PEPD: variants seen among roughly 807,000 people sequenced by gnomAD.
The protein encoded by PEPD is peptidase D.
A neutral mutation model predicts 60.7 loss-of-function variants in PEPD; 53 were observed. That is an observed-to-expected ratio of 0.87 (90% CI 0.70 to 1.10). The LOEUF is 1.10. Among genes scored for constraint, PEPD ranks in the 50% least tolerant of loss-of-function variants. The probability of loss-of-function intolerance (pLI) is 0.00; values close to 1 mark genes in which losing one functional copy is unlikely to be tolerated. For synonymous variants in PEPD, 267 were observed against 284.1 expected (o/e 0.94, Z 0.60); for missense variants, 711 against 711.9 (o/e 1.00, Z 0.01).
intron 4 of PEPD, 135 bp downstream of exon 4, chr19:33,500,803 C>T (rs867938408): frequency 2.3e-5 from 17 of 753,424 alleles, no homozygotes; most frequent in African/African-American, 8.5e-5. Context: ...GGAGCACCTG[C>T]GGCGCAGGGA....
chr19:33,477,206 C>A (rs1336391178), intron 7 of PEPD: 1 of 152,722 alleles, frequency 6.5e-6, no homozygotes, highest in South Asian at 2.1e-4. Flanking sequence ...GTCACTCTCT[C>A]CTACTCCTTC....
At chr19:33,510,795 T>C (rs1467821131) in intron 3 of PEPD, among the ~76,000 whole-genome samples, 1 of 152,144 alleles carries the variant, frequency 6.6e-6, no homozygotes, top group Admixed American at 6.5e-5. Flanking sequence ...TAAAACAATT[T>C]CTCAATAACT....
chr19:33,433,737 G>T (rs139416374), intron 9 of PEPD, among the ~76,000 whole-genome samples: 1 of 152,284 alleles, frequency 6.6e-6, no homozygotes, highest in East Asian at 1.9e-4. Flanking sequence ...TCGGCCAACC[G>T]AATAATTCTG....
At chr19:33,508,877 C>T (rs943506364) in intron 3 of PEPD, among the ~76,000 whole-genome samples, 4 of 152,230 alleles carry the variant, frequency 2.6e-5, no homozygotes, top group African/African-American at 9.7e-5. Flanking sequence ...CTGGAACCAT[C>T]CCTGCCTCAT....
At chr19:33,501,402 G>A (rs1970711138) in intron 3 of PEPD, among the ~76,000 whole-genome samples, 1 of 152,190 alleles carries the variant, frequency 6.6e-6, no homozygotes, top group Non-Finnish European at 1.5e-5. Context: ...TTAAAGGAAA[G>A]TTTATTTTAA....
rs542523001 is a variant in PEPD at position 33,393,258 on chromosome 19, G to C, written c.968-1779C>G. ...GGGTCTGGGGTCTGGGGTCTGGCGT[G>C]GGGGAGGGCCCGGGGTCTGGGGTCT... On this transcript the variant is annotated intron_variant, in intron 12 of 14. Coordinates refer to ENST00000244137, the MANE Select transcript of PEPD (RefSeq NM_000285.4). Among the ~76,000 whole-genome samples the C allele has an allele frequency of 5.7e-3, 848 of 149,220 alleles. 13 individuals carry two copies. Among genetic ancestry groups the C allele is most frequent in the Middle Eastern group, 0.01 (3 of 292 alleles).
chr19:33,389,129 A>T (rs979527360), intron 13 of PEPD: 1 of 152,316 alleles, frequency 6.6e-6, no homozygotes, highest in Non-Finnish European at 1.5e-5. Flanking sequence ...AGGTAACCAG[A>T]AACAGGCTGG....
chr19:33,511,391 G>A, intron 2 of PEPD: 1 of 511,182 alleles, frequency 2.0e-6, no homozygotes, highest in Non-Finnish European at 3.7e-6. Flanking sequence ...CTGATGCTGT[G>A]TCAGGCATGT....
Position 33,411,721 on chromosome 19 carries a change from C to A in PEPD, c.769G>T (p.Gly257Ter), listed in dbSNP as rs755947485. 1.2e-6 allele frequency: 2 copies of A among 1,610,784 alleles called. No individual in the cohort carries two copies. The highest frequency in any genetic ancestry group is 3.3e-5 in the Admixed American group (2 of 59,986). The change falls in exon 11 of 15, where the codon GGA becomes TGA. Residue 257 changes from glycine to a stop codon, truncating the protein, a stop_gained. Coordinates refer to ENST00000244137, the MANE Select transcript of PEPD (RefSeq NM_000285.4). LOFTEE classifies it high-confidence loss of function. ...CGGTCGTTGGGAGCTCCGGCGTGTC[C>A]GTAGTGTAGCACGGCTGAGTTCTCA... ...SGENSAVLHYGHAGAPNDRTI... is the reference protein window; with the variant it reads ...SGENSAVLHY
intron 6 of PEPD, among the ~76,000 whole-genome samples, chr19:33,487,948 G>GCTTC (rs1410579245): frequency 6.6e-6 from 1 of 151,924 alleles, no homozygotes; most frequent in Non-Finnish European, 1.5e-5. Flanking sequence ...CCCTGGGGAA[G>GCTTC]CCCAGGGCCC....
intron 9 of PEPD, among the ~76,000 whole-genome samples, chr19:33,423,416 T>A (rs1022077671): frequency 1.3e-5 from 2 of 152,246 alleles, no homozygotes; most frequent in African/African-American, 2.4e-5. Flanking sequence ...GGGAGATTAT[T>A]GACCAAATGC....
intron 2 of PEPD, among the ~76,000 whole-genome samples, chr19:33,511,764 G>C (rs1193353634): frequency 6.6e-6 from 1 of 152,198 alleles, no homozygotes; most frequent in Non-Finnish European, 1.5e-5. Context: ...TTTAAACCTG[G>C]AGAAGCATCA....
intron 4 of PEPD, among the ~76,000 whole-genome samples, chr19:33,495,895 C>T (rs549798536): frequency 1.8e-4 from 28 of 152,144 alleles, no homozygotes; most frequent in African/African-American, 4.8e-4. Flanking sequence ...GTAGGAGAAC[C>T]GCTTGAACCT....
intron 10 of PEPD, among the ~76,000 whole-genome samples, chr19:33,412,598 C>T (rs1968802279): frequency 1.3e-5 from 2 of 152,336 alleles, no homozygotes; most frequent in Non-Finnish European, 2.9e-5. Context: ...TAAGTCTGTC[C>T]AAAGGGGGGA....
At chr19:33,468,414 G>T (rs972582578) in intron 7 of PEPD, among the ~76,000 whole-genome samples, 1 of 152,236 alleles carries the variant, frequency 6.6e-6, no homozygotes, top group Non-Finnish European at 1.5e-5. Flanking sequence ...TCTGTCAAAG[G>T]GCACCTCTCC....
At chr19:33,406,680 T>A (rs559072593) in intron 11 of PEPD, among the ~76,000 whole-genome samples, 1 of 152,242 alleles carries the variant, frequency 6.6e-6, no homozygotes, top group South Asian at 2.1e-4. Context: ...TTGTCACCCA[T>A]GGGGTCCGCA....
intron 8 of PEPD, 98 bp downstream of exon 8, chr19:33,463,885 CAGGG>C (rs1384167697): frequency 7.7e-6 from 6 of 780,420 alleles, no homozygotes; most frequent in Non-Finnish European, 1.4e-5. Context: ...ACTTGGCCCT[CAGGG>C]ATTAGAGCCC....
At chr19:33,464,455 G>C (rs1969982561) in intron 7 of PEPD, among the ~76,000 whole-genome samples, 1 of 152,196 alleles carries the variant, frequency 6.6e-6, no homozygotes, top group Non-Finnish European at 1.5e-5. Context: ...ATAATCCTAA[G>C]CCTGCTGCCT....
intron 3 of PEPD, among the ~76,000 whole-genome samples, chr19:33,506,337 C>A (rs1375446881): frequency 6.8e-6 from 1 of 147,414 alleles, no homozygotes; most frequent in African/African-American, 2.5e-5. Flanking sequence ...CACACACCCA[C>A]ACACAACACA....
Sources: gnomAD v4.1 joint callset for allele counts (sites outside exome capture counted in the v4.1 genomes callset) on GRCh38, gnomAD v4.1.1 for gene constraint, MANE v1.5 for transcripts, NCBI Gene and HGNC (gene_info 2026-07-23, HGNC 2026-07-21) for gene names.